The following SLC2A13 variants were observed in gnomAD, a reference collection of about 807,000 sequenced individuals.
SLC2A13 encodes the protein proton myo-inositol cotransporter.
In SLC2A13, 32 loss-of-function variants were observed where a neutral mutation model predicts 64.4. The observed-to-expected ratio is 0.50, with a 90% CI of 0.37 to 0.67. The LOEUF is 0.67. SLC2A13 is among the 30% of genes least tolerant of loss of function. The pLI, the probability that SLC2A13 is intolerant of heterozygous loss-of-function variation, is 0.00. For synonymous variants in SLC2A13, 338 were observed against 327.1 expected (o/e 1.03, Z -0.36); for missense variants, 743 against 829.2 (o/e 0.90, Z 1.28).
intron 4 of SLC2A13, among the ~76,000 whole-genome samples, chr12:39,879,301 G>A (rs1262468514): frequency 6.6e-6 from 1 of 152,202 alleles, no homozygotes; most frequent in East Asian, 1.9e-4. Flanking sequence ...GCCTAGTGGA[G>A]CTGTGAGAAA....
intron 4 of SLC2A13, among the ~76,000 whole-genome samples, chr12:39,901,328 A>C (rs1306350763): frequency 6.6e-6 from 1 of 152,014 alleles, no homozygotes; most frequent in African/African-American, 2.4e-5. Flanking sequence ...AACAAAAGCC[A>C]AAATTGACAA....
At chr12:39,780,896 A>T (rs1405497279) in intron 7 of SLC2A13, among the ~76,000 whole-genome samples, 1 of 152,220 alleles carries the variant, frequency 6.6e-6, no homozygotes, top group Non-Finnish European at 1.5e-5. Flanking sequence ...ATACATGTGG[A>T]GTGTCTCAGC....
At chr12:39,993,992 C>T (rs1481742377) in intron 3 of SLC2A13, among the ~76,000 whole-genome samples, 1 of 152,118 alleles carries the variant, frequency 6.6e-6, no homozygotes, top group Admixed American at 6.5e-5. Flanking sequence ...CTTTAAGAAA[C>T]AGGTTCTGGT....
intron 1 of SLC2A13, among the ~76,000 whole-genome samples, chr12:40,072,382 T>C (rs1435192809): frequency 6.6e-6 from 1 of 152,142 alleles, no homozygotes; most frequent in African/African-American, 2.4e-5. Flanking sequence ...TGAAGTAGTC[T>C]ACAGATGTCA....
At chr12:39,824,709 A>G (rs182810216) in intron 7 of SLC2A13, among the ~76,000 whole-genome samples, 125 of 152,284 alleles carry the variant, frequency 8.2e-4, no homozygotes, top group African/African-American at 2.9e-3. Context: ...GCTATCATTC[A>G]TCTTATAGCC....
intron 4 of SLC2A13, among the ~76,000 whole-genome samples, chr12:39,941,597 A>C (rs1946027600): frequency 6.6e-6 from 1 of 151,968 alleles, no homozygotes; most frequent in Admixed American, 6.6e-5. Context: ...TCATGTCCTG[A>C]GCCTACTTTT....
intron 2 of SLC2A13, among the ~76,000 whole-genome samples, chr12:40,035,249 CATG>C (rs1302866353): frequency 9.8e-5 from 15 of 152,294 alleles, no homozygotes; most frequent in African/African-American, 3.1e-4. Context: ...TAGATATTTA[CATG>C]ATAACATGGT....
chr12:40,086,176 C>A (rs1343824561), intron 1 of SLC2A13, among the ~76,000 whole-genome samples: 3 of 152,132 alleles, frequency 2.0e-5, no homozygotes, highest in African/African-American at 7.2e-5. Flanking sequence ...ATCTGGGAAA[C>A]TTCTGAAGTG....
rs958715779 is a variant in SLC2A13, at chr12:39,792,269, A to G, written c.1446-27411T>C. Among the ~76,000 whole-genome samples, 4 of 146,552 alleles carry G rather than the reference A, an allele frequency of 2.7e-5. No homozygotes were observed. The South Asian group carries it at 6.8e-4, about 25-fold the overall frequency. ...AAACGTTAGACCTAAAACCATAAAA[A>G]CCCTAGAAGAAAACCTAGGCATTAC... is the stretch of plus-strand genomic sequence containing the variant. On this transcript the variant is annotated intron_variant, in intron 7 of 9. Coordinates refer to ENST00000280871, the MANE Select transcript of SLC2A13 (RefSeq NM_052885.4).
At chr12:39,947,480 C>A (rs1036940627) in intron 4 of SLC2A13, among the ~76,000 whole-genome samples, 1 of 152,178 alleles carries the variant, frequency 6.6e-6, no homozygotes, top group Admixed American at 6.5e-5. Flanking sequence ...TGTTTTCTTT[C>A]TCACTACCTA....
chr12:39,859,296 A>G (rs573268868), intron 6 of SLC2A13, among the ~76,000 whole-genome samples: 1 of 146,412 alleles, frequency 6.8e-6, no homozygotes, highest in Non-Finnish European at 1.5e-5. Context: ...AAAAAAAAAG[A>G]AAAAGAAAGA....
chr12:40,096,261 G>C (rs1938940068), intron 1 of SLC2A13, among the ~76,000 whole-genome samples: 1 of 151,948 alleles, frequency 6.6e-6, no homozygotes, highest in African/African-American at 2.4e-5. Flanking sequence ...AATTTAGTAA[G>C]TATCGTGTTC....
chr12:39,789,809 T>A (rs942129792), intron 7 of SLC2A13, among the ~76,000 whole-genome samples: 3 of 152,184 alleles, frequency 2.0e-5, no homozygotes, highest in African/African-American at 7.2e-5. Context: ...AGCCCCCATT[T>A]CACATATTTA....
intron 1 of SLC2A13, among the ~76,000 whole-genome samples, chr12:40,054,911 A>G (rs750485651): frequency 6.6e-6 from 1 of 152,208 alleles, no homozygotes; most frequent in Non-Finnish European, 1.5e-5. Context: ...CCTTTTAATA[A>G]TAATGCTTCT....
intron 3 of SLC2A13, among the ~76,000 whole-genome samples, chr12:40,007,998 T>TA (rs773744459): frequency 1.4e-4 from 21 of 152,298 alleles, no homozygotes; most frequent in South Asian, 1.0e-3. Flanking sequence ...ACTTCTGAGG[T>TA]AGAGTCTGAG....
intron 4 of SLC2A13, among the ~76,000 whole-genome samples, chr12:39,926,686 G>C (rs11174317): frequency 1.1e-4 from 17 of 152,132 alleles, no homozygotes; most frequent in Admixed American, 1.1e-3. Context: ...CCCAATCATA[G>C]CTCAATGAAG....
At chr12:39,917,398 A>G (rs541185879) in intron 4 of SLC2A13, among the ~76,000 whole-genome samples, 10 of 152,198 alleles carry the variant, frequency 6.6e-5, no homozygotes, top group Non-Finnish European at 1.3e-4. Flanking sequence ...TAGGTAGTTC[A>G]GTGTGATGTG....
intron 4 of SLC2A13, among the ~76,000 whole-genome samples, chr12:39,874,931 T>G (rs1288803176): frequency 6.6e-6 from 1 of 152,192 alleles, no homozygotes; most frequent in African/African-American, 2.4e-5. Flanking sequence ...TGGAAAACAG[T>G]AAGGGGAGGA....
intron 4 of SLC2A13, among the ~76,000 whole-genome samples, chr12:39,884,661 A>G (rs527427142): frequency 1.3e-5 from 2 of 152,316 alleles, no homozygotes; most frequent in Admixed American, 1.3e-4. Context: ...TGACCGCCAT[A>G]CATATAACAA....
Sources: allele counts gnomAD v4.1 joint callset (sites outside exome capture counted in the v4.1 genomes callset), GRCh38; gene constraint gnomAD v4.1.1; transcripts MANE v1.5; gene names NCBI Gene and HGNC (gene_info 2026-07-23, HGNC 2026-07-21).